Variants in ZFPM2 observed in about 807,000 individuals in gnomAD.
ZFPM2 encodes the protein zinc finger protein, FOG family member 2, also known as zinc finger protein ZFPM2.
In ZFPM2, 20 loss-of-function variants were observed where a neutral mutation model predicts 98.6. The observed-to-expected ratio is 0.20, with a 90% CI of 0.14 to 0.29. ZFPM2 has a LOEUF of 0.29. ZFPM2 is among the 10% of genes least tolerant of loss of function. The probability of loss-of-function intolerance (pLI) is 1.00; values close to 1 mark genes in which losing one functional copy is unlikely to be tolerated. For missense variants in ZFPM2, 1,310 were observed against 1,388.6 expected (o/e 0.94, Z 0.90); for synonymous variants, 518 against 502.7 (o/e 1.03, Z -0.41).
chr8:105,673,187 CTTTT>C (rs5893754), intron 5 of ZFPM2, among the ~76,000 whole-genome samples: 5 of 87,522 alleles, frequency 5.7e-5, no homozygotes, highest in African/African-American at 2.4e-4. Context: ...AAATAGCATG[CTTTT>C]TTTTTTTTTT....
At chr8:105,585,886 G>C (rs562039130) in intron 4 of ZFPM2, among the ~76,000 whole-genome samples, 63 of 151,890 alleles carry the variant, frequency 4.1e-4, no homozygotes, top group African/African-American at 1.5e-3. Flanking sequence ...ATATATTTTA[G>C]GATGAAAAAA....
chr8:105,460,915 A>G (rs1165826764), intron 3 of ZFPM2, among the ~76,000 whole-genome samples: 1 of 152,070 alleles, frequency 6.6e-6, no homozygotes, highest in African/African-American at 2.4e-5. Context: ...AAAGCACTCA[A>G]CTACATATAA....
chr8:105,732,031 G>T (rs1261204952), intron 5 of ZFPM2, among the ~76,000 whole-genome samples: 1 of 151,674 alleles, frequency 6.6e-6, no homozygotes, highest in African/African-American at 2.4e-5. Context: ...TTGGTAGGCT[G>T]TGGCAAAAAG....
chr8:105,406,702 A>G (rs1266229040), intron 1 of ZFPM2, among the ~76,000 whole-genome samples: 1 of 151,964 alleles, frequency 6.6e-6, no homozygotes, highest in South Asian at 2.1e-4. Context: ...CCTGGGTCCT[A>G]TCCTAGAGCT....
At chr8:105,541,090 C>G (rs1814566621) in intron 3 of ZFPM2, among the ~76,000 whole-genome samples, 2 of 152,206 alleles carry the variant, frequency 1.3e-5, no homozygotes, top group Non-Finnish European at 2.9e-5. Flanking sequence ...CAAAATTAGG[C>G]AGCTGGTGCT....
intron 1 of ZFPM2, among the ~76,000 whole-genome samples, chr8:105,402,148 T>C (rs184450068): frequency 1.3e-5 from 2 of 152,206 alleles, no homozygotes; most frequent in Admixed American, 1.3e-4. Context: ...ATGCCAGTAT[T>C]ATCAGCCTTT....
intron 5 of ZFPM2, among the ~76,000 whole-genome samples, chr8:105,701,420 C>T (rs1811138926): frequency 6.6e-6 from 1 of 152,086 alleles, no homozygotes; most frequent in Non-Finnish European, 1.5e-5. Context: ...ATTCTAAAAG[C>T]ATATGTAATA....
intron 5 of ZFPM2, among the ~76,000 whole-genome samples, chr8:105,677,756 G>C (rs1191724152): frequency 6.6e-6 from 1 of 151,978 alleles, no homozygotes; most frequent in East Asian, 1.9e-4. Context: ...TAACTTCTAG[G>C]AGATTCCTCT....
rs201845047 is a variant in ZFPM2, at chr8:105,789,177, G to T, written c.739+253G>T. 49 of 297,606 alleles carry T rather than the reference G, an allele frequency of 1.6e-4. 1 individual carries two copies. The highest frequency in any genetic ancestry group is 9.5e-4 in the African/African-American group (44 of 46,390). The allele number at this position is 297,606 out of a possible 1,614,324, so 18.4% of individuals were successfully genotyped here. On this transcript the variant is annotated intron_variant, in intron 6 of 7. Transcript: ENST00000407775. ...GTATACATGTGACATGCTGGTGCGC[G>T]GCACCCACTAACTCGTCATCTAGCA...
At chr8:105,792,221 G>A (rs1047868240) in intron 6 of ZFPM2, among the ~76,000 whole-genome samples, 6 of 152,044 alleles carry the variant, frequency 3.9e-5, no homozygotes, top group African/African-American at 1.2e-4. Flanking sequence ...TCTCTTGTGG[G>A]CATTTAGTGC....
chr8:105,440,966 A>G (rs774830438), intron 2 of ZFPM2, among the ~76,000 whole-genome samples: 11 of 151,968 alleles, frequency 7.2e-5, no homozygotes, highest in South Asian at 2.1e-4. Context: ...CCTGGCCAAC[A>G]TGGTGAAACC....
At chr8:105,402,798 G>T (rs888328071) in intron 1 of ZFPM2, among the ~76,000 whole-genome samples, 6 of 151,936 alleles carry the variant, frequency 3.9e-5, no homozygotes, top group African/African-American at 1.4e-4. Flanking sequence ...CATTCTTAAT[G>T]GCTAATTATT....
intron 3 of ZFPM2, among the ~76,000 whole-genome samples, chr8:105,465,641 C>G (rs1412481096): frequency 1.3e-5 from 2 of 151,776 alleles, no homozygotes; most frequent in Non-Finnish European, 2.9e-5. Flanking sequence ...AACTGAAAAG[C>G]CAACTATTTG....
intron 5 of ZFPM2, among the ~76,000 whole-genome samples, chr8:105,707,958 G>A (rs1183756454): frequency 1.3e-5 from 2 of 152,152 alleles, no homozygotes; most frequent in East Asian, 3.9e-4. Context: ...GTTAGCCTGA[G>A]GAAAATAATT....
At chr8:105,542,137 G>A (rs2130628021) in intron 3 of ZFPM2, among the ~76,000 whole-genome samples, 1 of 152,110 alleles carries the variant, frequency 6.6e-6, no homozygotes, top group East Asian at 1.9e-4. Context: ...TGGTTATTTT[G>A]CTAGCTTTGT....
At chr8:105,628,130 T>G (rs1234444839) in intron 4 of ZFPM2, among the ~76,000 whole-genome samples, 1 of 152,196 alleles carries the variant, frequency 6.6e-6, no homozygotes, top group Non-Finnish European at 1.5e-5. Context: ...AAATAAAAAT[T>G]AGCCCCACCG....
At chr8:105,703,220 G>A (rs1563528450) in intron 5 of ZFPM2, among the ~76,000 whole-genome samples, 1 of 152,074 alleles carries the variant, frequency 6.6e-6, no homozygotes, top group Non-Finnish European at 1.5e-5. Flanking sequence ...ATTAATAATA[G>A]ATAATACCAT....
chr8:105,526,314 T>TA (rs1814172460), intron 3 of ZFPM2, among the ~76,000 whole-genome samples: 1 of 152,122 alleles, frequency 6.6e-6, no homozygotes, highest in Non-Finnish European at 1.5e-5. Context: ...GTTAAAACCA[T>TA]AAAATCCAAG....
chr8:105,618,107 A>G (rs1431046784), intron 4 of ZFPM2, among the ~76,000 whole-genome samples: 1 of 152,170 alleles, frequency 6.6e-6, no homozygotes, highest in Admixed American at 6.6e-5. Context: ...TAATTAGCCT[A>G]TACAAAGTGC....
Sources: allele counts gnomAD v4.1 joint callset (sites outside exome capture counted in the v4.1 genomes callset), GRCh38; gene constraint gnomAD v4.1.1; transcripts MANE v1.5; gene names NCBI Gene and HGNC (gene_info 2026-07-23, HGNC 2026-07-21).